KCNG2: variants seen among roughly 807,000 people sequenced by gnomAD.
The protein encoded by KCNG2 is voltage-gated potassium channel regulatory subunit KCNG2.
Under a neutral mutation model 12.3 loss-of-function variants are expected in KCNG2, and 7 were observed. The observed-to-expected ratio is 0.57, with a 90% confidence interval of 0.32 to 1.07. The LOEUF (loss-of-function observed/expected upper bound fraction) is 1.07. KCNG2 is among the 50% of genes least tolerant of loss of function. The pLI, the probability that KCNG2 is intolerant of heterozygous loss-of-function variation, is 0.04. For missense variants in KCNG2, 703 were observed against 726.0 expected, an observed-to-expected ratio of 0.97 and a Z score of 0.36; for synonymous variants, 414 against 351.4, an observed-to-expected ratio of 1.18 and a Z score of -1.99.
rs1452534896 is a variant in KCNG2, at chr18:79,822,559, CT to C, written c.-115+24546del. Among the ~76,000 whole-genome samples, 1 of 152,194 alleles carries C rather than the reference CT, an allele frequency of 6.6e-6. No individual in the cohort carries two copies. The highest frequency in any genetic ancestry group is 1.5e-5 in the Non-Finnish European group (1 of 68,038). On this transcript the variant is annotated intron_variant, in intron 1 of 3. Coordinates refer to ENST00000316249, the MANE Select transcript of KCNG2 (RefSeq NM_012283.2). The surrounding 1 kb of genome is among the most constrained non-coding windows in gnomAD (Gnocchi z 4.4). ...GGCTCAAGCATCCTCCCACGTCAGC[CT>C]CCCGAGTAGCTGGGGCCACAGGCGT...
chr18:79,817,307 G>C (rs556784589), intron 1 of KCNG2, among the ~76,000 whole-genome samples: 1 of 152,268 alleles, frequency 6.6e-6, no homozygotes, highest in South Asian at 2.1e-4. Context: ...CTGCCTCACG[G>C]CTGCCACATG....
chr18:79,802,489 C>T (rs1169880448), intron 1 of KCNG2, among the ~76,000 whole-genome samples: 9 of 152,248 alleles, frequency 5.9e-5, no homozygotes, highest in Non-Finnish European at 1.0e-4. Flanking sequence ...CCAGCCCGGC[C>T]GCTGCAGCAT....
chr18:79,863,491 T>C (rs1979301323), intron 2 of KCNG2, among the ~76,000 whole-genome samples, 137 bp from the exon 3 acceptor site: 2 of 151,658 alleles, frequency 1.3e-5, no homozygotes, highest in African/African-American at 4.8e-5. Flanking sequence ...TGCGGAGGAG[T>C]GGGAAGTGGG....
chr18:79,889,427 A>T (rs1287196859), intron 3 of KCNG2, among the ~76,000 whole-genome samples: 1 of 152,138 alleles, frequency 6.6e-6, no homozygotes, highest in Non-Finnish European at 1.5e-5. Flanking sequence ...CAAAATTTAG[A>T]GTTTCTTTCA....
intron 3 of KCNG2, among the ~76,000 whole-genome samples, chr18:79,893,424 GTGTC>G (rs55832577): frequency 3.7e-4 from 56 of 151,702 alleles, no homozygotes; most frequent in Non-Finnish European, 6.8e-4. Context: ...AGTTGGGTCT[GTGTC>G]TGCTTTTGAT....
intron 3 of KCNG2, among the ~76,000 whole-genome samples, chr18:79,873,816 G>A (rs532468898): frequency 9.8e-5 from 15 of 152,350 alleles, no homozygotes; most frequent in African/African-American, 3.1e-4. Context: ...GGGACTTGGC[G>A]GGGAGTGGAT....
intron 1 of KCNG2, among the ~76,000 whole-genome samples, chr18:79,809,857 C>T (rs563206800): frequency 5.9e-5 from 9 of 152,302 alleles, no homozygotes; most frequent in South Asian, 4.1e-4. Flanking sequence ...CTGCCCTCTG[C>T]GTCTCCTTCA....
intron 1 of KCNG2, among the ~76,000 whole-genome samples, chr18:79,817,325 C>T (rs2087537226): frequency 6.6e-6 from 1 of 152,256 alleles, no homozygotes; most frequent in South Asian, 2.1e-4. Context: ...ATGGCCGCCA[C>T]TCACATGCCT....
At chr18:79,832,441 A>C (rs1978301697) in intron 1 of KCNG2, among the ~76,000 whole-genome samples, 2 of 137,568 alleles carry the variant, frequency 1.5e-5, no homozygotes, top group Non-Finnish European at 1.6e-5. Context: ...GTCCATCCTT[A>C]CCTGCTCATC....
chr18:79,899,609 C>T lies in KCNG2; in HGVS notation c.1194C>T (p.Ala398=). The T allele has an allele frequency of 6.3e-7, 1 of 1,599,624 alleles. No individual in the cohort carries two copies. The highest frequency in any genetic ancestry group is 1.1e-5 in the South Asian group (1 of 89,208). The change falls in exon 4 of 4, where the codon GCC becomes GCT. Residue 398 remains alanine, a synonymous_variant. Transcript: ENST00000316249. ...TCCTCAGCGGCATCCTGCTCATGGC[C>T]TTCCCGGTCACCTCCATCTTCCACA... ...SSILSGILLM[A]FPVTSIFHTF... is the part of the protein sequence containing the mutation.
intron 1 of KCNG2, among the ~76,000 whole-genome samples, chr18:79,830,097 A>ACTGGTGGGTCCACGTGGC (rs1318783495): frequency 6.7e-6 from 1 of 148,354 alleles, no homozygotes; most frequent in Non-Finnish European, 1.5e-5. Context: ...TTAACCTAGG[A>ACTGGTGGGTCCACGTGGC]CTGGTGGGTC....
intron 1 of KCNG2, among the ~76,000 whole-genome samples, chr18:79,813,876 T>G (rs2087509833): frequency 6.6e-6 from 1 of 152,230 alleles, no homozygotes; most frequent in African/African-American, 2.4e-5. Flanking sequence ...AAGTTTGGAA[T>G]ATATAAAGAA....
At chr18:79,897,951 C>A (rs1289061360) in intron 3 of KCNG2, among the ~76,000 whole-genome samples, 3 of 152,172 alleles carry the variant, frequency 2.0e-5, no homozygotes, top group Non-Finnish European at 4.4e-5. Context: ...ACAACCTGCT[C>A]ATATCGCAGC....
At chr18:79,802,131 A>C (rs577778419) in intron 1 of KCNG2, among the ~76,000 whole-genome samples, 53 of 152,352 alleles carry the variant, frequency 3.5e-4, no homozygotes, top group African/African-American at 1.3e-3. Context: ...CTGTGCAGTT[A>C]GTTTTGTGTG....
intron 3 of KCNG2, among the ~76,000 whole-genome samples, chr18:79,898,514 A>T (rs1981060596): frequency 6.6e-6 from 1 of 152,154 alleles, no homozygotes; most frequent in South Asian, 2.1e-4. Context: ...GGAATGTGAG[A>T]TGCTGATGTC....
intron 3 of KCNG2, among the ~76,000 whole-genome samples, chr18:79,883,947 C>T (rs902478581): frequency 2.0e-5 from 3 of 152,184 alleles, no homozygotes; most frequent in African/African-American, 4.8e-5. Flanking sequence ...CCATGCAGCC[C>T]GGCCCACTGA....
intron 3 of KCNG2, among the ~76,000 whole-genome samples, chr18:79,898,656 C>A: frequency 6.6e-6 from 1 of 152,254 alleles, no homozygotes; most frequent in East Asian, 1.9e-4. Flanking sequence ...AAGGAGGATG[C>A]AGTCTTGACA....
rs1272791848 is a variant in KCNG2 at position 79,889,667 on chromosome 18, G to C, written c.625-9373G>C. On this transcript the variant is annotated intron_variant, in intron 3 of 3. Coordinates refer to ENST00000316249, the MANE Select transcript of KCNG2 (RefSeq NM_012283.2). ...AAGGATTTTCTATATACGAGGTCCT[G>C]TCATTTGTGAACCAACATGACATGA... 2.6e-5 allele frequency among the ~76,000 whole-genome samples: 4 copies of C among 152,216 alleles called. No individual in the cohort carries two copies. In the East Asian group the frequency reaches 7.7e-4, roughly 29 times the overall value.
chr18:79,854,524 C>A (rs1978939575), intron 1 of KCNG2, among the ~76,000 whole-genome samples: 3 of 121,002 alleles, frequency 2.5e-5, no homozygotes. Flanking sequence ...CATTGCCTTT[C>A]ATTGGCTTTT....
Sources: allele counts gnomAD v4.1 joint callset (sites outside exome capture counted in the v4.1 genomes callset), GRCh38; gene constraint gnomAD v4.1.1; non-coding constraint Gnocchi (gnomAD v3.1); transcripts MANE v1.5; gene names NCBI Gene and HGNC (gene_info 2026-07-23, HGNC 2026-07-21).